EXOC4: variants seen among roughly 807,000 people sequenced by gnomAD.
EXOC4 encodes SEC8-like 1.
In EXOC4, 71 loss-of-function variants were observed where a neutral mutation model predicts 107.2. That is an observed-to-expected ratio of 0.66 (90% confidence interval 0.55 to 0.81). The LOEUF is 0.81. EXOC4 is among the 30% of genes least tolerant of loss of function. The pLI is 0.00. For synonymous variants in EXOC4, 456 were observed against 441.2 expected, an observed-to-expected ratio of 1.03 and a Z score of -0.42; for missense variants, 1,108 against 1,189.6, an observed-to-expected ratio of 0.93 and a Z score of 1.01.
intron 10 of EXOC4, among the ~76,000 whole-genome samples, chr7:133,689,974 A>G (rs1008099888): frequency 6.6e-6 from 1 of 152,338 alleles, no homozygotes; most frequent in Middle Eastern, 3.4e-3. Context: ...GAAAACAAAA[A>G]CAGACTGCAA....
chr7:133,808,179 A>G (rs1445368230), intron 10 of EXOC4, among the ~76,000 whole-genome samples: 1 of 152,294 alleles, frequency 6.6e-6, no homozygotes, highest in African/African-American at 2.4e-5. Flanking sequence ...TTACACAGAA[A>G]ATCTTTATAT....
intron 10 of EXOC4, among the ~76,000 whole-genome samples, chr7:133,639,141 C>A (rs1232907831): frequency 1.3e-5 from 2 of 152,078 alleles, no homozygotes; most frequent in African/African-American, 2.4e-5. Flanking sequence ...ATAGGCATAC[C>A]TAGGGGGAAA....
chr7:133,269,729 A>G (rs977296823), intron 1 of EXOC4, among the ~76,000 whole-genome samples: 13 of 152,160 alleles, frequency 8.5e-5, no homozygotes, highest in Admixed American at 2.6e-4. Context: ...GTTTTAGGCT[A>G]TATTATTAGA....
At chr7:133,887,906 T>C (rs890498732) in intron 11 of EXOC4, among the ~76,000 whole-genome samples, 4 of 152,114 alleles carry the variant, frequency 2.6e-5, no homozygotes, top group Admixed American at 2.6e-4. Context: ...TTCCTGTCAC[T>C]CACACACAAA....
intron 11 of EXOC4, among the ~76,000 whole-genome samples, chr7:133,848,431 T>C (rs1191177560): frequency 1.3e-5 from 2 of 152,178 alleles, no homozygotes; most frequent in Non-Finnish European, 2.9e-5. Context: ...GGACATCATA[T>C]TATGACTTTC....
At chr7:133,722,227 T>A (rs1401185463) in intron 10 of EXOC4, among the ~76,000 whole-genome samples, 1 of 152,186 alleles carries the variant, frequency 6.6e-6, no homozygotes, top group Non-Finnish European at 1.5e-5. Flanking sequence ...TGCAATGAAA[T>A]GTTGGAAATC....
intron 9 of EXOC4, among the ~76,000 whole-genome samples, chr7:133,570,865 G>C (rs571954229): frequency 6.6e-6 from 1 of 152,298 alleles, no homozygotes; most frequent in East Asian, 1.9e-4. Context: ...AAGTAAAATT[G>C]TCCAGCATGA....
chr7:133,691,946 T>C (rs1237566086), intron 10 of EXOC4, among the ~76,000 whole-genome samples: 1 of 152,164 alleles, frequency 6.6e-6, no homozygotes. Flanking sequence ...TACGTCATAA[T>C]CTCATGGCTG....
chr7:133,836,236 G>A (rs187625468), intron 11 of EXOC4, among the ~76,000 whole-genome samples: 1 of 152,192 alleles, frequency 6.6e-6, no homozygotes, highest in East Asian at 1.9e-4. Flanking sequence ...AGCTAGCATT[G>A]GTATTCTCTA....
intron 9 of EXOC4, among the ~76,000 whole-genome samples, chr7:133,593,752 A>G (rs949107234): frequency 6.6e-6 from 1 of 152,188 alleles, no homozygotes; most frequent in South Asian, 2.1e-4. Context: ...TGTTTCTATA[A>G]TAGATGAGCA....
rs141002579 is a variant in EXOC4 at position 133,423,777 on chromosome 7, G to A, written c.1182+48775G>A. Among the ~76,000 whole-genome samples the A allele has an allele frequency of 4.8e-3, 725 of 152,236 alleles. 5 individuals carry two copies. The highest frequency in any genetic ancestry group is 0.017 in the African/African-American group (702 of 41,546). ...AGGCGCGGGTAGGGGCCAGCGCTGCGCGCAGGCCTTGTGGCCGGCACGGGA... is the reference window on the plus strand; with the variant it reads ...AGGCGCGGGTAGGGGCCAGCGCTGCACGCAGGCCTTGTGGCCGGCACGGGA... On this transcript the variant is annotated intron_variant, in intron 7 of 17. Transcript: ENST00000253861.
At chr7:133,431,836 A>G (rs1165712914) in intron 7 of EXOC4, among the ~76,000 whole-genome samples, 8 of 152,310 alleles carry the variant, frequency 5.3e-5, no homozygotes, top group South Asian at 2.1e-4. Context: ...TGGAGAGCGT[A>G]TATTTCACTT....
chr7:133,640,641 A>C (rs963251047), intron 10 of EXOC4, among the ~76,000 whole-genome samples: 3 of 152,210 alleles, frequency 2.0e-5, no homozygotes, highest in Non-Finnish European at 4.4e-5. Context: ...CATTCTCTTC[A>C]TGATGAATGT....
At chr7:133,993,482 A>C (rs1438491326) in intron 14 of EXOC4, among the ~76,000 whole-genome samples, 5 of 152,218 alleles carry the variant, frequency 3.3e-5, no homozygotes, top group Non-Finnish European at 7.3e-5. Flanking sequence ...AATGGAAATG[A>C]GGGTGGGAGA....
intron 6 of EXOC4, among the ~76,000 whole-genome samples, chr7:133,374,351 T>A (rs537024069): frequency 2.1e-4 from 32 of 152,254 alleles, no homozygotes; most frequent in Admixed American, 4.6e-4. Context: ...ATTTGGATGG[T>A]AGTAAGCATA....
intron 9 of EXOC4, among the ~76,000 whole-genome samples, chr7:133,569,095 T>C (rs1585003478): frequency 1.3e-5 from 2 of 152,112 alleles, no homozygotes; most frequent in East Asian, 3.9e-4. Context: ...GAACACAAAC[T>C]TCCCAACTGT....
intron 5 of EXOC4, among the ~76,000 whole-genome samples, chr7:133,323,815 A>T (rs1795172046): frequency 6.6e-6 from 1 of 152,174 alleles, no homozygotes; most frequent in Admixed American, 6.5e-5. Context: ...CTCTGGTAGA[A>T]TTTGGCTGTG....
At chr7:134,070,194 G>A (rs940394248), downstream of EXOC4, among the ~76,000 whole-genome samples, 5 of 152,300 alleles carry the variant, frequency 3.3e-5, no homozygotes, top group East Asian at 3.9e-4. Flanking sequence ...CACTAGGCTC[G>A]GCAAGGTGTC....
chr7:133,784,983 G>A lies in EXOC4; in HGVS notation c.1515-32342G>A, dbSNP rs558238744. ...TCTGCAGCTACATGACCACAGAATAGTGTATTGTAGTTAATTAGAGCATGG... is the reference window on the plus strand; with the variant it reads ...TCTGCAGCTACATGACCACAGAATAATGTATTGTAGTTAATTAGAGCATGG... On this transcript the variant is annotated intron_variant, in intron 10 of 17. Transcript: ENST00000253861. Among the ~76,000 whole-genome samples the A allele has an allele frequency of 1.4e-4, 21 of 152,292 alleles. No homozygotes were observed. In the East Asian group the frequency reaches 3.5e-3, roughly 25 times the overall value.
Sources: gnomAD v4.1 joint callset for allele counts (sites outside exome capture counted in the v4.1 genomes callset) on GRCh38, gnomAD v4.1.1 for gene constraint, MANE v1.5 for transcripts, NCBI Gene and HGNC (gene_info 2026-07-23, HGNC 2026-07-21) for gene names.